Variants in ERC2 observed in about 807,000 individuals in gnomAD.
ERC2 encodes ERC protein 2.
ERC2 carries 42 observed loss-of-function variants against 114.8 expected under a neutral mutation model. The observed-to-expected ratio is 0.37, with a 90% confidence interval of 0.29 to 0.47. The LOEUF (loss-of-function observed/expected upper bound fraction) is 0.47. ERC2 is among the 20% of genes least tolerant of loss of function. The pLI is 0.99. For synonymous variants in ERC2, 454 were observed against 425.5 expected, an observed-to-expected ratio of 1.07 and a Z score of -0.82; for missense variants, 939 against 1,150.7, an observed-to-expected ratio of 0.82 and a Z score of 2.66.
intron 13 of ERC2, among the ~76,000 whole-genome samples, chr3:55,931,412 C>T (rs568661917): frequency 1.3e-4 from 20 of 152,290 alleles, no homozygotes; most frequent in African/African-American, 3.8e-4. Context: ...CTATGGAATA[C>T]TATGCAGCCA....
At chr3:55,984,117 T>A (rs956084722) in intron 12 of ERC2, among the ~76,000 whole-genome samples, 1 of 152,166 alleles carries the variant, frequency 6.6e-6, no homozygotes, top group Non-Finnish European at 1.5e-5. Context: ...GATATTGGAA[T>A]GATATGAACC....
At chr3:55,573,203 C>T (rs1012209228) in intron 17 of ERC2, among the ~76,000 whole-genome samples, 1 of 152,028 alleles carries the variant, frequency 6.6e-6, no homozygotes, top group African/African-American at 2.4e-5. Context: ...TGGAACAGAC[C>T]AAATCTTACC....
rs1289879604 is a variant in ERC2, at chr3:55,986,008, A to C, written c.2256-20T>G. 1.3e-6 allele frequency: 2 copies of C among 1,539,402 alleles called. No homozygotes were observed. Among genetic ancestry groups the C allele is most frequent in the East Asian group, 2.4e-5 (1 of 41,178 alleles). On this transcript the variant is annotated intron_variant, in intron 11 of 17. Coordinates refer to ENST00000288221, the MANE Select transcript of ERC2 (RefSeq NM_015576.3). The stretch of plus-strand genomic sequence containing the variant: ...GTCAAGCTGATTGGAGCAAGGGTGA[A>C]AGCAGCAATTTGGAGGATAAGCAGA...
chr3:56,296,487 T>C (rs2055444874), intron 2 of ERC2, 52 bp from the exon 3 acceptor site: 37 of 1,536,132 alleles, frequency 2.4e-5, no homozygotes, highest in South Asian at 3.7e-5. Context: ...AAAAAGTCAA[T>C]GAAAATGTCA....
intron 4 of ERC2, among the ~76,000 whole-genome samples, chr3:56,172,000 G>T (rs2082702863): frequency 6.8e-6 from 1 of 146,256 alleles, no homozygotes; most frequent in African/African-American, 2.5e-5. Context: ...AAAAAAACAA[G>T]TCTTTTGTCC....
intron 2 of ERC2, among the ~76,000 whole-genome samples, chr3:56,313,756 C>A (rs112230250): frequency 4.6e-5 from 7 of 152,302 alleles, no homozygotes; most frequent in African/African-American, 1.7e-4. Flanking sequence ...GTCTTCCAAG[C>A]ATCAATAGGC....
intron 2 of ERC2, among the ~76,000 whole-genome samples, chr3:56,338,073 A>G (rs1370322901): frequency 6.6e-6 from 1 of 152,240 alleles, no homozygotes; most frequent in Non-Finnish European, 1.5e-5. Context: ...TAACTCTAGC[A>G]TTTAAGAATG....
At chr3:55,565,175 G>A (rs2056288517) in intron 17 of ERC2, among the ~76,000 whole-genome samples, 1 of 152,028 alleles carries the variant, frequency 6.6e-6, no homozygotes, top group Admixed American at 6.5e-5. Flanking sequence ...AAAAAAAGAA[G>A]TTTCACAATT....
At chr3:55,649,011 A>C (rs1177105064) in intron 17 of ERC2, among the ~76,000 whole-genome samples, 1 of 152,140 alleles carries the variant, frequency 6.6e-6, no homozygotes, top group Non-Finnish European at 1.5e-5. Context: ...ATTCCCTTTC[A>C]TCCCCCATCT....
intron 17 of ERC2, among the ~76,000 whole-genome samples, chr3:55,517,709 G>A (rs766044214): frequency 6.6e-5 from 10 of 152,158 alleles, no homozygotes; most frequent in South Asian, 2.1e-4. Context: ...AACCAGGCAC[G>A]AGTCGGCTGG....
rs142131528 is a variant in ERC2, at chr3:55,591,709, C to T, written c.*40-80433G>A. Among the ~76,000 whole-genome samples, 290 of 152,226 alleles carry T rather than the reference C, an allele frequency of 1.9e-3. 1 individual carries two copies. Among genetic ancestry groups the T allele is most frequent in the Middle Eastern group, 6.8e-3 (2 of 294 alleles). On this transcript the variant is annotated intron_variant, in intron 17 of 17. Transcript: ENST00000288221. Reference sequence around the variant, plus strand: ...CTTGAGTGGGTCCCGGGGGTCTCCCCAGCCAGGTTCACTGCCAATCACTGA... The same window carrying T: ...CTTGAGTGGGTCCCGGGGGTCTCCCTAGCCAGGTTCACTGCCAATCACTGA...
intron 3 of ERC2, among the ~76,000 whole-genome samples, chr3:56,201,945 C>T (rs1219971491): frequency 6.6e-6 from 1 of 152,174 alleles, no homozygotes; most frequent in East Asian, 1.9e-4. Context: ...ACATGCTTAG[C>T]TACATGAGAA....
At chr3:55,721,628 A>T (rs2064558377) in intron 15 of ERC2, among the ~76,000 whole-genome samples, 1 of 152,238 alleles carries the variant, frequency 6.6e-6, no homozygotes, top group Admixed American at 6.5e-5. Flanking sequence ...GAGCTGGGCT[A>T]GAACTCTTGG....
At chr3:55,599,417 G>A (rs989020905) in intron 17 of ERC2, among the ~76,000 whole-genome samples, 2 of 152,204 alleles carry the variant, frequency 1.3e-5, no homozygotes, top group African/African-American at 4.8e-5. Flanking sequence ...ATTAAGTAAT[G>A]TTTTTAAATT....
chr3:55,748,655 G>C (rs1220089882), intron 14 of ERC2, among the ~76,000 whole-genome samples: 2 of 152,208 alleles, frequency 1.3e-5, no homozygotes. Flanking sequence ...GCTGGGCAAA[G>C]AATCCATGTG....
intron 17 of ERC2, among the ~76,000 whole-genome samples, chr3:55,582,054 C>A (rs564654647): frequency 6.6e-6 from 1 of 152,182 alleles, no homozygotes; most frequent in African/African-American, 2.4e-5. Context: ...AAGCTGTTCC[C>A]CCTGTCTGGA....
At chr3:55,806,067 T>C (rs2059475731) in intron 14 of ERC2, among the ~76,000 whole-genome samples, 1 of 152,014 alleles carries the variant, frequency 6.6e-6, no homozygotes, top group African/African-American at 2.4e-5. Context: ...GGGCTGGGTA[T>C]AGTGGTTCAA....
chr3:56,379,261 C>T (rs563191705), intron 2 of ERC2, among the ~76,000 whole-genome samples: 1 of 152,232 alleles, frequency 6.6e-6, no homozygotes, highest in South Asian at 2.1e-4. Context: ...TCCTATCTGA[C>T]TACTCAGGAG....
At chr3:56,253,863 C>T (rs992346635) in intron 3 of ERC2, among the ~76,000 whole-genome samples, 16 of 152,128 alleles carry the variant, frequency 1.1e-4, no homozygotes, top group African/African-American at 2.7e-4. Flanking sequence ...ATAATCGCAC[C>T]ACTGCAATCC....
Sources: gnomAD v4.1 joint callset for allele counts (sites outside exome capture counted in the v4.1 genomes callset) on GRCh38, gnomAD v4.1.1 for gene constraint, MANE v1.5 for transcripts, NCBI Gene and HGNC (gene_info 2026-07-23, HGNC 2026-07-21) for gene names.